The following UTP20 variants were observed in gnomAD, a reference collection of about 807,000 sequenced individuals.
UTP20 encodes the protein small subunit processome component 20 homolog.
Under a neutral mutation model 329.5 loss-of-function variants are expected in UTP20, and 164 were observed. The observed-to-expected ratio is 0.50, with a 90% CI of 0.44 to 0.57. The LOEUF (loss-of-function observed/expected upper bound fraction) is 0.57, where lower values mean the gene tolerates loss of function less well. Among genes scored for constraint, UTP20 ranks in the 20% least tolerant of loss-of-function variants. The pLI, the probability that UTP20 is intolerant of heterozygous loss-of-function variation, is 0.00. For synonymous variants in UTP20, 1,151 were observed against 1,159.3 expected (o/e 0.99, Z 0.14); for missense variants, 3,055 against 3,284.2 (o/e 0.93, Z 1.71).
At chr12:101,308,421 CCA>C in intron 18 of UTP20, 78 bp downstream of exon 18, 1 of 800,790 alleles carries the variant, frequency 1.2e-6, no homozygotes, top group Non-Finnish European at 1.6e-6. Flanking sequence ...CAAGTAGTCA[CCA>C]AAATAATAAT....
intron 38 of UTP20, among the ~76,000 whole-genome samples, chr12:101,347,590 A>T (rs369341528): frequency 2.0e-5 from 3 of 152,194 alleles, no homozygotes; most frequent in African/African-American, 7.2e-5. Flanking sequence ...CAGTAATGTC[A>T]GGATTTGTGA....
Position 101,374,866 on chromosome 12 carries a change from T to C in UTP20, c.7190T>C (p.Val2397Ala), listed in dbSNP as rs1433615981. ...GGCTTGTTTGTGGAAAGTGAAGGAG[T>C]TGATTTTGAGAAAAGACTTGGAACT... ...ICGLFVESEGVDFEKRLGTVL... is the reference protein window; with the variant it reads ...ICGLFVESEGADFEKRLGTVL... Residue 2397 changes from valine to alanine, a missense_variant, in exon 55 of 62, where the codon GTT (valine) becomes GCT (alanine). Val to Ala is a moderately conservative substitution (Grantham distance 64, BLOSUM62 0). Coordinates refer to ENST00000261637, the MANE Select transcript of UTP20 (RefSeq NM_014503.3). The C allele has an allele frequency of 6.5e-7, 1 of 1,549,016 alleles. No individual in the cohort carries two copies. The highest frequency in any genetic ancestry group is 8.9e-7 in the Non-Finnish European group (1 of 1,120,832).
At position 101,382,904 on chromosome 12, in the gene UTP20, G is replaced by C. The variant is rs934995617; in HGVS notation, c.7657-137G>C. The C allele has an allele frequency of 4.5e-5, 45 of 1,006,832 alleles. No individual in the cohort carries two copies. The East Asian group carries it at 1.2e-3, about 26-fold the overall frequency. The allele number at this position is 1,006,832 out of a possible 1,614,324, so 62.4% of individuals were successfully genotyped here. A position where few individuals can be genotyped will look rare whatever the true frequency, so the allele number is the denominator to read the frequency against. On this transcript the variant is annotated intron_variant, in intron 58 of 61. Transcript: ENST00000261637. ...AAAATGGAGCCTTCATCATTTAATA[G>C]TTGTTAAATAGTTGTAATACCTAGT...
chr12:101,311,234 T>G (rs1322301675), intron 19 of UTP20, among the ~76,000 whole-genome samples: 1 of 151,672 alleles, frequency 6.6e-6, no homozygotes, highest in Non-Finnish European at 1.5e-5. Flanking sequence ...ACATAAGCAC[T>G]TTATGTGATC....
rs1425410288 is a variant in UTP20, at chr12:101,386,250, C to T, written c.*127C>T. 5.8e-6 allele frequency: 5 copies of T among 869,088 alleles called. No homozygotes were observed. Among genetic ancestry groups the T allele is most frequent in the Admixed American group, 5.6e-5 (2 of 35,964 alleles). The allele number at this position is 869,088 out of a possible 1,614,324, so 53.8% of individuals were successfully genotyped here. On this transcript the variant is annotated 3_prime_UTR_variant, in exon 62 of 62. Coordinates refer to ENST00000261637, the MANE Select transcript of UTP20 (RefSeq NM_014503.3). ...TTTGAGACAAGGTCTCACTCTGTCA[C>T]CCAAGGTGGAGTGCAGTGACGACAT...
chr12:101,322,905 ACT>A (rs1267527163), intron 25 of UTP20, among the ~76,000 whole-genome samples: 1 of 152,152 alleles, frequency 6.6e-6, no homozygotes, highest in Non-Finnish European at 1.5e-5. Flanking sequence ...ATATCCAAAC[ACT>A]CAAAAATAAC....
intron 60 of UTP20, among the ~76,000 whole-genome samples, chr12:101,385,180 T>C (rs1319018468): frequency 6.6e-6 from 1 of 151,734 alleles, no homozygotes; most frequent in Non-Finnish European, 1.5e-5. Context: ...CTCTTACTTT[T>C]CCCCCCATCT....
chr12:101,331,768 A>C (rs1448124170), intron 27 of UTP20, among the ~76,000 whole-genome samples: 1 of 152,156 alleles, frequency 6.6e-6, no homozygotes, highest in African/African-American at 2.4e-5. Flanking sequence ...GGTGGCTTTT[A>C]GGTTTTAATG....
intron 46 of UTP20, 86 bp from the exon 47 acceptor site, chr12:101,366,472 C>T (rs1870097280): frequency 1.3e-6 from 2 of 1,503,202 alleles, no homozygotes; most frequent in East Asian, 2.3e-5. Context: ...GTGCTGGGCT[C>T]TCGTCACTTT....
chr12:101,299,662 C>T lies in UTP20; in HGVS notation c.1431-20C>T, dbSNP rs1268642449. On this transcript the variant is annotated intron_variant, in intron 12 of 61. Coordinates refer to ENST00000261637, the MANE Select transcript of UTP20 (RefSeq NM_014503.3). ...CGATTACATTCTCTGTTATTTTAAACATTTTTTTTAATCCTTCAGATTCTA... is the reference window on the plus strand; with the variant it reads ...CGATTACATTCTCTGTTATTTTAAATATTTTTTTTAATCCTTCAGATTCTA... The T allele has an allele frequency of 6.5e-7, 1 of 1,550,100 alleles. No individual in the cohort carries two copies. Among genetic ancestry groups the T allele is most frequent in the East Asian group, 2.3e-5 (1 of 44,346 alleles).
chr12:101,328,477 C>T (rs1217426276), intron 26 of UTP20, among the ~76,000 whole-genome samples: 1 of 152,164 alleles, frequency 6.6e-6, no homozygotes, highest in Non-Finnish European at 1.5e-5. Context: ...TGATTCTCAG[C>T]CTTCAAGGAA....
intron 15 of UTP20, 62 bp from the exon 16 acceptor site, chr12:101,305,853 C>G: frequency 7.0e-7 from 1 of 1,424,070 alleles, no homozygotes; most frequent in Non-Finnish European, 9.3e-7. Context: ...GTGGCTTATA[C>G]TATAGTCTAG....
chr12:101,379,795 T>C (rs1028052121), intron 57 of UTP20, among the ~76,000 whole-genome samples: 2 of 152,140 alleles, frequency 1.3e-5, no homozygotes, highest in African/African-American at 2.4e-5. Context: ...TTATTTAGCA[T>C]GCCCATCTTC....
At chr12:101,301,729 A>C (rs1872526606) in intron 14 of UTP20, among the ~76,000 whole-genome samples, 1 of 152,160 alleles carries the variant, frequency 6.6e-6, no homozygotes, top group Non-Finnish European at 1.5e-5. Flanking sequence ...TAGCCATTGA[A>C]TATGTGACTT....
intron 49 of UTP20, among the ~76,000 whole-genome samples, chr12:101,370,193 G>C (rs1056244375): frequency 6.6e-6 from 1 of 152,162 alleles, no homozygotes; most frequent in African/African-American, 2.4e-5. Context: ...CTCCAGCCTT[G>C]GTGACAGAGC....
chr12:101,352,675 G>C (rs889339793), intron 39 of UTP20, among the ~76,000 whole-genome samples: 1 of 119,700 alleles, frequency 8.4e-6, no homozygotes, highest in East Asian at 3.5e-4. Flanking sequence ...GGTGGGGGGA[G>C]TGGGGAGGAT....
intron 18 of UTP20, 84 bp downstream of exon 18, chr12:101,308,427 T>TAAC: frequency 2.0e-6 from 1 of 511,416 alleles, no homozygotes; most frequent in Non-Finnish European, 2.6e-6. Context: ...GTCACCAAAA[T>TAAC]AATAATAATA....
intron 26 of UTP20, 148 bp from the exon 27 acceptor site, chr12:101,329,093 C>T: frequency 2.8e-6 from 2 of 707,028 alleles, no homozygotes; most frequent in South Asian, 2.0e-5. Context: ...GGAGATAATA[C>T]ATAAGAAAAG....
rs771897967 is a variant in UTP20 at position 101,302,560 on chromosome 12, A to C, written c.1781+7A>C. The C allele has an allele frequency of 3.2e-6, 5 of 1,562,002 alleles. No individual in the cohort carries two copies. The highest frequency in any genetic ancestry group is 3.5e-6 in the Non-Finnish European group (4 of 1,146,618). On this transcript the variant is annotated splice_region_variant and intron_variant, in intron 15 of 61. Coordinates refer to ENST00000261637, the MANE Select transcript of UTP20 (RefSeq NM_014503.3). ...GTGTGAAGAATTTAGTATTGTAAGT[A>C]AACATCTTCCAGTTGGTTTAGTAAT...
Sources: allele counts gnomAD v4.1 joint callset (sites outside exome capture counted in the v4.1 genomes callset), GRCh38; gene constraint gnomAD v4.1.1; transcripts MANE v1.5; gene names NCBI Gene and HGNC (gene_info 2026-07-23, HGNC 2026-07-21).